BLM: variants seen among roughly 807,000 people sequenced by gnomAD.
BLM encodes recQ-like DNA helicase BLM.
In BLM, 95 loss-of-function variants were observed where a neutral mutation model predicts 135.3. The observed-to-expected ratio is 0.70, with a 90% confidence interval of 0.59 to 0.83. The LOEUF is 0.83. Among genes scored for constraint, BLM ranks in the 40% least tolerant of loss-of-function variants. The pLI, the probability that BLM is intolerant of heterozygous loss-of-function variation, is 0.00. For synonymous variants in BLM, 520 were observed against 589.2 expected (o/e 0.88, Z 1.70); for missense variants, 1,518 against 1,663.9 (o/e 0.91, Z 1.53).
intron 10 of BLM, 89 bp downstream of exon 10, chr15:90,767,112 G>A (rs1393570986): frequency 1.0e-5 from 8 of 800,724 alleles, no homozygotes; most frequent in East Asian, 8.6e-5. Context: ...TGTATACGTA[G>A]TGCAAAGAAT....
chr15:90,788,837 C>G (rs1028002949), intron 14 of BLM, among the ~76,000 whole-genome samples: 3 of 151,322 alleles, frequency 2.0e-5, no homozygotes, highest in Non-Finnish European at 4.4e-5. Flanking sequence ...GCCTGGCATG[C>G]TGGTGCACAC....
intron 21 of BLM, among the ~76,000 whole-genome samples, chr15:90,811,873 G>C (rs893920060): frequency 6.6e-6 from 1 of 152,032 alleles, no homozygotes; most frequent in African/African-American, 2.4e-5. Flanking sequence ...GCCCAGGCTG[G>C]TCTCAAACTC....
Position 90,780,065 on chromosome 15 carries a change from G to A in BLM, c.2556-2757G>A, listed in dbSNP as rs907450323. Among the ~76,000 whole-genome samples, 71 of 150,658 alleles carry A rather than the reference G, an allele frequency of 4.7e-4. 2 individuals carry two copies. Among genetic ancestry groups the A allele is most frequent in the African/African-American group, 1.2e-4 (5 of 40,800 alleles). On this transcript the variant is annotated intron_variant, in intron 12 of 21. Transcript: ENST00000355112. The stretch of plus-strand genomic sequence containing the variant: ...CGTAAAAGGGAAAAATGGGAAAGGC[G>A]AAACAAGCAGGATGTCTTTTTTTTT...
rs147946976 is a variant in BLM, at chr15:90,765,722, A to G, written c.2193+308A>G. On this transcript the variant is annotated intron_variant, in intron 9 of 21. Transcript: ENST00000355112. Reference sequence around the variant, plus strand: ...AGGTCGGCATAGTTCTCTTTCCCTTATATCTTAAAGTGCATACACACATGC... The same window carrying G: ...AGGTCGGCATAGTTCTCTTTCCCTTGTATCTTAAAGTGCATACACACATGC... Among the ~76,000 whole-genome samples the G allele has an allele frequency of 7.9e-5, 12 of 152,288 alleles. No individual in the cohort carries two copies. The East Asian group carries it at 1.9e-3, about 24-fold the overall frequency.
At chr15:90,755,055 G>A in intron 5 of BLM, 117 bp downstream of exon 5, 1 of 1,300,368 alleles carries the variant, frequency 7.7e-7, no homozygotes, top group Non-Finnish European at 1.1e-6. Flanking sequence ...CAGATTTGTA[G>A]TTTCTTTTCT....
chr15:90,804,725 A>G (rs1255832440), intron 19 of BLM, among the ~76,000 whole-genome samples: 1 of 152,222 alleles, frequency 6.6e-6, no homozygotes, highest in African/African-American at 2.4e-5. Flanking sequence ...TTAGCCTGCC[A>G]GAGTGCTGGG....
At chr15:90,787,863 T>G (rs776189776) in intron 14 of BLM, among the ~76,000 whole-genome samples, 29 of 151,916 alleles carry the variant, frequency 1.9e-4, no homozygotes, top group Non-Finnish European at 3.8e-4. Flanking sequence ...GGCAGGGGAA[T>G]CACTTGAACC....
chr15:90,751,923 T>C lies in BLM; in HGVS notation c.936T>C (p.Ser312=). The C allele has an allele frequency of 6.2e-7, 1 of 1,612,576 alleles. No individual in the cohort carries two copies. The highest frequency in any genetic ancestry group is 8.5e-7 in the Non-Finnish European group (1 of 1,178,780). ...CTCCAGAAGAAATTATTTCTGCTTCTTCTTCCTCTTCAAAATGCCTTAGGT... is the reference window on the plus strand; with the variant it reads ...CTCCAGAAGAAATTATTTCTGCTTCCTCTTCCTCTTCAAAATGCCTTAGGT... ...PPSPEEIISA[S]SSSSKCLSTL... is the part of the protein sequence containing the mutation. Residue 312 remains serine, a synonymous_variant, in exon 4 of 22, where the codon TCT becomes TCC. Coordinates refer to ENST00000355112, the MANE Select transcript of BLM (RefSeq NM_000057.4).
chr15:90,734,822 A>G (rs887197759), intron 1 of BLM, among the ~76,000 whole-genome samples: 1 of 151,904 alleles, frequency 6.6e-6, no homozygotes. Context: ...ATACTCACCA[A>G]CTCCACTTGT....
At chr15:90,773,768 TG>T (rs1450859729) in intron 12 of BLM, among the ~76,000 whole-genome samples, 2 of 152,220 alleles carry the variant, frequency 1.3e-5, no homozygotes, top group Non-Finnish European at 2.9e-5. Context: ...TCACTGAGCA[TG>T]TTTTTAAGGT....
chr15:90,761,346 C>T (rs1895983596), intron 7 of BLM, 91 bp downstream of exon 7: 1 of 1,007,968 alleles, frequency 9.9e-7, no homozygotes, highest in Non-Finnish European at 1.3e-6. Context: ...ATCATCATTG[C>T]CTGAAAACAT....
intron 15 of BLM, 92 bp downstream of exon 15, chr15:90,790,936 T>C: frequency 7.7e-7 from 1 of 1,300,344 alleles, no homozygotes. Flanking sequence ...GGTCCAGTTT[T>C]CCTTAAATAA....
intron 12 of BLM, among the ~76,000 whole-genome samples, chr15:90,771,194 A>G (rs981954437): frequency 6.6e-6 from 1 of 152,208 alleles, no homozygotes; most frequent in Non-Finnish European, 1.5e-5. Flanking sequence ...TATATTTAAG[A>G]TGTCGTATTA....
In BLM at chr15:90,742,249, C is replaced by T. The variant is rs558586001; in HGVS notation, c.-4-5140C>T. On this transcript the variant is annotated intron_variant, in intron 1 of 21. Transcript: ENST00000355112. The stretch of plus-strand genomic sequence containing the variant: ...GATCGTTCTTAGTTAGGCTCACCAC[C>T]TTTGCCCCAGGGAAAGTAACTCCTC... Among the ~76,000 whole-genome samples, 9 of 152,208 alleles carry T rather than the reference C, an allele frequency of 5.9e-5. No homozygotes were observed. In the South Asian group the frequency reaches 1.9e-3, roughly 32 times the overall value.
chr15:90,772,400 A>G (rs1401925895), intron 12 of BLM, among the ~76,000 whole-genome samples: 1 of 152,160 alleles, frequency 6.6e-6, no homozygotes, highest in East Asian at 1.9e-4. Context: ...GTTAACTATA[A>G]TAGAACAATA....
chr15:90,730,443 G>A (rs535391660), intron 1 of BLM, among the ~76,000 whole-genome samples: 24 of 151,964 alleles, frequency 1.6e-4, no homozygotes, highest in Non-Finnish European at 2.8e-4. Context: ...GATAAGAGTT[G>A]TGTTTTTTTT....
At chr15:90,752,073 G>A in intron 4 of BLM, 127 bp downstream of exon 4, 2 of 926,630 alleles carry the variant, frequency 2.2e-6, no homozygotes, top group African/African-American at 1.7e-5. Flanking sequence ...ACATTCAAGT[G>A]AAAGCCTCAA....
At chr15:90,792,314 C>CA (rs28385081) in intron 15 of BLM, among the ~76,000 whole-genome samples, 1 of 152,210 alleles carries the variant, frequency 6.6e-6, no homozygotes, top group East Asian at 1.9e-4. Context: ...CCATGTTGGC[C>CA]AGGCTGGTCT....
chr15:90,747,375 C>T lies in BLM; in HGVS notation c.-4-14C>T. On this transcript the variant is annotated splice_polypyrimidine_tract_variant and intron_variant, in intron 1 of 21. Transcript: ENST00000355112. ...TACCTAACTCCACTGATTTCTTTTTCCCTCACTTTTTAGGATTATGGCTGC... is the reference window on the plus strand; with the variant it reads ...TACCTAACTCCACTGATTTCTTTTTTCCTCACTTTTTAGGATTATGGCTGC... 1 of 1,584,590 alleles carries T rather than the reference C, an allele frequency of 6.3e-7. No homozygotes were observed. The highest frequency in any genetic ancestry group is 1.3e-5 in the African/African-American group (1 of 74,358).
Sources: gnomAD v4.1 joint callset for allele counts (sites outside exome capture counted in the v4.1 genomes callset) on GRCh38, gnomAD v4.1.1 for gene constraint, MANE v1.5 for transcripts, NCBI Gene and HGNC (gene_info 2026-07-23, HGNC 2026-07-21) for gene names.